Variants in PCBP3 observed in about 807,000 individuals in gnomAD.
The protein encoded by PCBP3 is poly(rC) binding protein 3.
In PCBP3, 25 loss-of-function variants were observed where a neutral mutation model predicts 52.7. That is an observed-to-expected ratio of 0.47 (90% CI 0.35 to 0.66). PCBP3 has a LOEUF of 0.66. Ranked by LOEUF, PCBP3 falls within the 30% of genes least tolerant of loss-of-function variation. PCBP3 has a pLI of 0.01. For missense variants in PCBP3, 391 were observed against 490.3 expected, an observed-to-expected ratio of 0.80 and a Z score of 1.91; for synonymous variants, 162 against 183.0, an observed-to-expected ratio of 0.89 and a Z score of 0.93.
intron 5 of PCBP3, chr21:45,871,262 G>A (rs1316451520): frequency 6.9e-6 from 1 of 144,832 alleles, no homozygotes; most frequent in Non-Finnish European, 1.5e-5. Context: ...CCCAGGGAAG[G>A]CCGTGCAGTC....
At chr21:45,913,581 G>A (rs544905327) in intron 11 of PCBP3, among the ~76,000 whole-genome samples, 3 of 152,214 alleles carry the variant, frequency 2.0e-5, no homozygotes, top group South Asian at 4.1e-4. Flanking sequence ...GTCCAGCAGG[G>A]TCTTGTGGGC....
intron 13 of PCBP3, among the ~76,000 whole-genome samples, chr21:45,924,306 A>G (rs1388565533): frequency 7.0e-6 from 1 of 143,692 alleles, no homozygotes; most frequent in East Asian, 2.3e-4. Context: ...CACCGGGAAC[A>G]GTCGCGTGGG....
chr21:45,704,646 A>C lies in PCBP3; in HGVS notation c.-199-30746A>C, dbSNP rs1300247792. Reference sequence around the variant, plus strand: ...TATTTGAAGTAATTTGAAGATTGACAGGAAATTCATAAAGGGAATATGGAG... The same window carrying C: ...TATTTGAAGTAATTTGAAGATTGACCGGAAATTCATAAAGGGAATATGGAG... On this transcript the variant is annotated intron_variant, in intron 2 of 17. Coordinates refer to ENST00000681687, the MANE Select transcript of PCBP3 (RefSeq NM_001384156.1). The surrounding 1 kb of genome is among the most constrained non-coding windows in gnomAD (Gnocchi z 4.1). Among the ~76,000 whole-genome samples, 1 of 152,234 alleles carries C rather than the reference A, an allele frequency of 6.6e-6. No homozygotes were observed. Among genetic ancestry groups the C allele is most frequent in the African/African-American group, 2.4e-5 (1 of 41,466 alleles).
rs2073699706 is a variant in PCBP3, at chr21:45,917,582, C to A, written c.676-6C>A. 3 of 1,612,710 alleles carry A rather than the reference C, an allele frequency of 1.9e-6. No individual in the cohort carries two copies. The highest frequency in any genetic ancestry group is 2.5e-6 in the Non-Finnish European group (3 of 1,178,992). On this transcript the variant is annotated splice_region_variant and splice_polypyrimidine_tract_variant and intron_variant, in intron 12 of 17. Transcript: ENST00000681687. This position sits in a 1 kb window ranked among gnomAD's most constrained non-coding sequence, Gnocchi z 5.3. ...GCAGTCTGACGGGGTCTCTCTCTCT[C>A]TCTAGGCCTACACAATCCAGGGACA...
intron 4 of PCBP3, among the ~76,000 whole-genome samples, chr21:45,812,206 A>G (rs899058858): frequency 2.0e-5 from 3 of 152,224 alleles, no homozygotes; most frequent in African/African-American, 7.2e-5. Flanking sequence ...TATCTGGTAC[A>G]GGTCTCAGTC....
At chr21:45,923,342 T>G (rs2074737893) in intron 13 of PCBP3, among the ~76,000 whole-genome samples, 1 of 152,192 alleles carries the variant, frequency 6.6e-6, no homozygotes, top group Admixed American at 6.5e-5. Flanking sequence ...CAGCTGCAAG[T>G]GGTGCAGCGG....
chr21:45,849,844 T>A, intron 4 of PCBP3, 117 bp from the exon 5 acceptor site: 1 of 545,272 alleles, frequency 1.8e-6, no homozygotes, highest in Non-Finnish European at 3.3e-6. Context: ...TGTACTCGAA[T>A]GCTGAAGAGG....
At chr21:45,750,903 T>TAC (rs2087423616) in intron 3 of PCBP3, 1 of 152,016 alleles carries the variant, frequency 6.6e-6, no homozygotes, top group Non-Finnish European at 1.5e-5. Context: ...TGTGTATATA[T>TAC]ATATATGCAC....
chr21:45,729,092 C>T (rs2085268055), intron 2 of PCBP3, among the ~76,000 whole-genome samples: 1 of 152,140 alleles, frequency 6.6e-6, no homozygotes, highest in Admixed American at 6.5e-5. Flanking sequence ...GTCCTTATGC[C>T]CTGGAAACCA....
chr21:45,784,788 A>C (rs916105998), intron 4 of PCBP3, among the ~76,000 whole-genome samples: 4 of 152,168 alleles, frequency 2.6e-5, no homozygotes, highest in East Asian at 1.9e-4. Context: ...GCTGGAGTGC[A>C]GTGGCGTGAT....
At chr21:45,732,062 G>A (rs541576001) in intron 2 of PCBP3, among the ~76,000 whole-genome samples, 4 of 151,934 alleles carry the variant, frequency 2.6e-5, no homozygotes, top group Admixed American at 1.3e-4. Flanking sequence ...TGCAGTTCAG[G>A]TATGTTGGAT....
At chr21:45,710,592 G>A (rs575143806) in intron 2 of PCBP3, among the ~76,000 whole-genome samples, 19 of 152,228 alleles carry the variant, frequency 1.2e-4, no homozygotes, top group Admixed American at 5.2e-4. Flanking sequence ...ACATGCACAC[G>A]TATGTTTATT....
intron 5 of PCBP3, 86 bp from the exon 6 acceptor site, chr21:45,896,122 C>A (rs977224841): frequency 3.8e-6 from 5 of 1,309,872 alleles, no homozygotes; most frequent in South Asian, 1.4e-5. Flanking sequence ...ACCCGGGAGG[C>A]CGGAGTGGGA....
chr21:45,808,450 A>G (rs1046377052), intron 4 of PCBP3, among the ~76,000 whole-genome samples: 1 of 152,242 alleles, frequency 6.6e-6, no homozygotes, highest in African/African-American at 2.4e-5. Flanking sequence ...GCTAATCATC[A>G]CTGGTCATTA....
intron 2 of PCBP3, among the ~76,000 whole-genome samples, chr21:45,705,197 C>T (rs2148038110): frequency 6.6e-6 from 1 of 152,324 alleles, no homozygotes; most frequent in East Asian, 1.9e-4. Context: ...AGCCAGGTTC[C>T]CAGGGAATCT....
intron 4 of PCBP3, among the ~76,000 whole-genome samples, chr21:45,814,785 G>A (rs1267555981): frequency 1.5e-5 from 2 of 135,858 alleles, no homozygotes; most frequent in African/African-American, 2.8e-5. Context: ...TGAGTGATGA[G>A]TGGTGAGTGA....
intron 13 of PCBP3, among the ~76,000 whole-genome samples, chr21:45,924,470 CGGGTGTGCGTG>C (rs2149421798): frequency 4.9e-5 from 6 of 121,760 alleles, no homozygotes; most frequent in Non-Finnish European, 8.3e-5. Context: ...CACGTAAGAT[CGGGTGTGCGTG>C]AGGAGATGCG....
Position 45,940,189 on chromosome 21 carries a change from A to G in PCBP3, c.1069A>G (p.Ile357Val). 6.3e-7 allele frequency: 1 copy of G among 1,598,750 alleles called. No individual in the cohort carries two copies. The highest frequency in any genetic ancestry group is 8.6e-7 in the Non-Finnish European group (1 of 1,166,388). The part of the protein sequence containing the change: ...PANISLAQYL[I>V]NARLTSEVTG... Reference sequence around the variant, plus strand: ...CAACATCAGCCTTGCCCAGTATCTCATCAACGCCAGGTGAGCATCTCCCAA... The same window carrying G: ...CAACATCAGCCTTGCCCAGTATCTCGTCAACGCCAGGTGAGCATCTCCCAA... The change falls in exon 17 of 18, where the codon ATC (isoleucine) becomes GTC (valine). Residue 357 changes from isoleucine (I) to valine (V), a missense_variant. Transcript: ENST00000681687.
chr21:45,659,604 G>T (rs1569086037), intron 1 of PCBP3, among the ~76,000 whole-genome samples: 1 of 152,076 alleles, frequency 6.6e-6, no homozygotes, highest in Non-Finnish European at 1.5e-5. Flanking sequence ...TCCCGCTATG[G>T]CCTCCCAAAG....
Sources: allele counts gnomAD v4.1 joint callset (sites outside exome capture counted in the v4.1 genomes callset), GRCh38; gene constraint gnomAD v4.1.1; non-coding constraint Gnocchi (gnomAD v3.1); transcripts MANE v1.5; gene names NCBI Gene and HGNC (gene_info 2026-07-23, HGNC 2026-07-21).